The following GPC5 variants were observed in gnomAD, a reference collection of about 807,000 sequenced individuals.
GPC5 encodes the protein glypican 5.
A neutral mutation model predicts 53.9 loss-of-function variants in GPC5; 47 were observed. That is an observed-to-expected ratio of 0.87 (90% CI 0.69 to 1.11). The LOEUF (loss-of-function observed/expected upper bound fraction) is 1.11, where lower values mean the gene tolerates loss of function less well. Ranked by LOEUF, GPC5 falls within the 50% of genes most tolerant of loss-of-function variation. The pLI is 0.00. For synonymous variants in GPC5, 286 were observed against 263.3 expected, an observed-to-expected ratio of 1.09 and a Z score of -0.84; for missense variants, 748 against 713.1, an observed-to-expected ratio of 1.05 and a Z score of -0.56.
chr13:92,228,414 T>G (rs1326075023), intron 7 of GPC5, among the ~76,000 whole-genome samples: 2 of 152,128 alleles, frequency 1.3e-5, no homozygotes, highest in Non-Finnish European at 2.9e-5. Context: ...AAAATGTAGA[T>G]CTTTGAGGAT....
At chr13:91,508,091 G>A (rs768767625) in intron 2 of GPC5, among the ~76,000 whole-genome samples, 1 of 151,880 alleles carries the variant, frequency 6.6e-6, no homozygotes, top group Non-Finnish European at 1.5e-5. Context: ...TAGATTTTTG[G>A]CATTTTTAAA....
At chr13:92,266,188 C>T (rs1864283721) in intron 7 of GPC5, among the ~76,000 whole-genome samples, 1 of 152,162 alleles carries the variant, frequency 6.6e-6, no homozygotes, top group African/African-American at 2.4e-5. Context: ...TCTTCTCACC[C>T]CTATTTTCAA....
chr13:91,964,087 G>A (rs773504606), intron 6 of GPC5, among the ~76,000 whole-genome samples: 7 of 152,206 alleles, frequency 4.6e-5, no homozygotes, highest in Non-Finnish European at 1.0e-4. Context: ...GGTGTGTCCA[G>A]AGTTTTTTCC....
At chr13:92,210,485 G>A (rs2042367138) in intron 7 of GPC5, among the ~76,000 whole-genome samples, 2 of 152,058 alleles carry the variant, frequency 1.3e-5, no homozygotes, top group African/African-American at 2.4e-5. Flanking sequence ...ATTGACTAAC[G>A]TTATCACTAG....
At chr13:91,409,710 C>G (rs1335905428) in intron 1 of GPC5, among the ~76,000 whole-genome samples, 1 of 151,184 alleles carries the variant, frequency 6.6e-6, no homozygotes. Flanking sequence ...TGTTTTTTCT[C>G]CCGACTTTCA....
chr13:92,656,285 T>C (rs1886133555), intron 7 of GPC5, among the ~76,000 whole-genome samples: 2 of 152,084 alleles, frequency 1.3e-5, no homozygotes, highest in African/African-American at 4.8e-5. Flanking sequence ...TGGCTTCAAA[T>C]AGAGAATTAG....
At chr13:91,861,317 C>G (rs2039025462) in intron 5 of GPC5, among the ~76,000 whole-genome samples, 1 of 152,122 alleles carries the variant, frequency 6.6e-6, no homozygotes, top group Admixed American at 6.5e-5. Flanking sequence ...ATGTTAAAAT[C>G]TTTAATTATT....
At chr13:92,180,732 A>T (rs923185509) in intron 7 of GPC5, 1 of 163,458 alleles carries the variant, frequency 6.1e-6, no homozygotes, top group Non-Finnish European at 1.4e-5. Context: ...ACTTTTTCAT[A>T]GCTACAAGTA....
rs189149623 is a variant in GPC5, at chr13:92,560,869, G to T, written c.1562-305413G>T. Among the ~76,000 whole-genome samples, 512 of 149,628 alleles carry T rather than the reference G, an allele frequency of 3.4e-3. 4 individuals are homozygous for T. Among genetic ancestry groups the T allele is most frequent in the African/African-American group, 0.012 (482 of 40,138 alleles). On this transcript the variant is annotated intron_variant, in intron 7 of 7. Transcript: ENST00000377067. ...AATAGAAAATTATATGTGTGTGTGT[G>T]TGTGTGTGTGTGTGTGTGTGTGTGT...
chr13:92,543,033 G>A (rs973729496), intron 7 of GPC5, among the ~76,000 whole-genome samples: 7 of 151,778 alleles, frequency 4.6e-5, no homozygotes, highest in African/African-American at 1.7e-4. Flanking sequence ...CCAACATTTG[G>A]AAAGTTTTCA....
chr13:91,853,864 A>G (rs2038939313), intron 5 of GPC5, among the ~76,000 whole-genome samples: 3 of 151,936 alleles, frequency 2.0e-5, no homozygotes, highest in South Asian at 4.1e-4. Flanking sequence ...GGCAAACCCT[A>G]CATTGGGTTT....
chr13:92,701,137 C>CTAA (rs1426432841), intron 7 of GPC5, among the ~76,000 whole-genome samples: 2 of 151,966 alleles, frequency 1.3e-5, no homozygotes, highest in African/African-American at 4.8e-5. Context: ...AAACATGTGT[C>CTAA]TAATTTATTT....
At chr13:91,553,348 A>G (rs2030758961) in intron 2 of GPC5, among the ~76,000 whole-genome samples, 1 of 152,086 alleles carries the variant, frequency 6.6e-6, no homozygotes, top group Admixed American at 6.6e-5. Context: ...TAGCATAACT[A>G]ACATGTAAAC....
intron 7 of GPC5, among the ~76,000 whole-genome samples, chr13:92,413,188 T>G (rs1302515803): frequency 6.6e-6 from 1 of 152,178 alleles, no homozygotes; most frequent in African/African-American, 2.4e-5. Flanking sequence ...TTCACTCTCT[T>G]GACTCTAAAT....
Position 92,755,384 on chromosome 13 carries a change from T to A in GPC5, c.1562-110898T>A, listed in dbSNP as rs1372650489. ...TGCCCACAAGAGAAAGCAGGAAAGATCCAAAATTGATACCCTAACATCACA... is the reference window on the plus strand; with the variant it reads ...TGCCCACAAGAGAAAGCAGGAAAGAACCAAAATTGATACCCTAACATCACA... On this transcript the variant is annotated intron_variant, in intron 7 of 7. Transcript: ENST00000377067. Among the ~76,000 whole-genome samples the A allele has an allele frequency of 1.1e-3, 146 of 136,566 alleles. 5 individuals carry two copies. The highest frequency in any genetic ancestry group is 4.5e-4 in the Non-Finnish European group (27 of 60,600). 89.6% of individuals were successfully genotyped at this position (136,566 alleles called of 152,430 possible). A position where few individuals can be genotyped will look rare whatever the true frequency, so the allele number is the denominator to read the frequency against.
At chr13:91,478,518 T>G (rs1883070254) in intron 2 of GPC5, among the ~76,000 whole-genome samples, 1 of 151,910 alleles carries the variant, frequency 6.6e-6, no homozygotes, top group Non-Finnish European at 1.5e-5. Context: ...TTACATTTAT[T>G]GTTTTTACAT....
At chr13:92,678,195 T>C (rs1342699053) in intron 7 of GPC5, among the ~76,000 whole-genome samples, 2 of 152,200 alleles carry the variant, frequency 1.3e-5, no homozygotes, top group South Asian at 4.1e-4. Flanking sequence ...GTGAATAACA[T>C]AGACAACTTC....
At chr13:91,520,236 G>T (rs1002663310) in intron 2 of GPC5, among the ~76,000 whole-genome samples, 1 of 152,140 alleles carries the variant, frequency 6.6e-6, no homozygotes, top group African/African-American at 2.4e-5. Flanking sequence ...GGGTTATAGA[G>T]GTTTAAATGA....
chr13:91,962,843 C>A (rs971033421), intron 6 of GPC5, among the ~76,000 whole-genome samples: 2 of 152,240 alleles, frequency 1.3e-5, no homozygotes, highest in South Asian at 2.1e-4. Context: ...TAATAGTGGC[C>A]TTCAGGCCAA....
Sources: gnomAD v4.1 joint callset for allele counts (sites outside exome capture counted in the v4.1 genomes callset) on GRCh38, gnomAD v4.1.1 for gene constraint, MANE v1.5 for transcripts, NCBI Gene and HGNC (gene_info 2026-07-23, HGNC 2026-07-21) for gene names.